NAALADL2: variants seen among roughly 807,000 people sequenced by gnomAD.
NAALADL2 encodes N-acetylated alpha-linked acidic dipeptidase like 2, also known as inactive N-acetylated-alpha-linked acidic dipeptidase-like protein 2.
A neutral mutation model predicts 87.2 loss-of-function variants in NAALADL2; 76 were observed. The ratio of observed to expected loss-of-function variants is 0.87; its 90% CI spans 0.72 to 1.05. The LOEUF (loss-of-function observed/expected upper bound fraction) is 1.05. Among genes scored for constraint, NAALADL2 ranks in the 50% least tolerant of loss-of-function variants. The probability of loss-of-function intolerance (pLI) is 0.00; values close to 1 mark genes in which losing one functional copy is unlikely to be tolerated. For missense variants in NAALADL2, 1,089 were observed against 945.8 expected (o/e 1.15, Z -1.99); for synonymous variants, 354 against 331.0 (o/e 1.07, Z -0.75).
intron 1 of NAALADL2, chr3:175,059,499 G>C (rs888612919): frequency 4.5e-6 from 1 of 221,962 alleles, no homozygotes; most frequent in Non-Finnish European, 9.4e-6. Flanking sequence ...TATTCCATCA[G>C]AACTAGTTTA....
At chr3:174,666,095 T>G (rs1345650412) in intron 2 of NAALADL2, among the ~76,000 whole-genome samples, 3 of 152,174 alleles carry the variant, frequency 2.0e-5, no homozygotes, top group East Asian at 1.9e-4. Flanking sequence ...TATCATTTTT[T>G]GGGGTATAGT....
chr3:175,764,985 G>A (rs1029073269), intron 13 of NAALADL2, among the ~76,000 whole-genome samples: 2 of 151,994 alleles, frequency 1.3e-5, no homozygotes, highest in African/African-American at 4.8e-5. Context: ...TGAGGTGTGG[G>A]TGGTCTGAAT....
chr3:175,317,314 A>G (rs536008566), intron 4 of NAALADL2, among the ~76,000 whole-genome samples: 2 of 151,112 alleles, frequency 1.3e-5, no homozygotes, highest in African/African-American at 2.4e-5. Context: ...GTTCTTGAGG[A>G]TATTTTGACT....
intron 2 of NAALADL2, among the ~76,000 whole-genome samples, chr3:174,620,314 G>A (rs2108663464): frequency 6.6e-6 from 1 of 152,112 alleles, no homozygotes; most frequent in African/African-American, 2.4e-5. Context: ...TGGGCACTGA[G>A]TCACCCGATG....
intron 1 of NAALADL2, among the ~76,000 whole-genome samples, chr3:174,509,103 C>CT (rs113472134): frequency 0.16 from 24,109 of 147,230 alleles, 1,993 homozygotes; most frequent in Middle Eastern, 0.22. Flanking sequence ...AACTGTATGC[C>CT]TTTTTTTTTT....
intron 9 of NAALADL2, among the ~76,000 whole-genome samples, chr3:175,480,293 T>A (rs1726266113): frequency 1.1e-5 from 1 of 91,046 alleles, no homozygotes; most frequent in South Asian, 4.7e-4. Flanking sequence ...CTAGTGTTAA[T>A]GTTTACAACT....
chr3:175,255,697 T>A (rs565117603), intron 3 of NAALADL2, among the ~76,000 whole-genome samples: 12 of 152,268 alleles, frequency 7.9e-5, no homozygotes, highest in African/African-American at 2.9e-4. Context: ...TTTATTGAAA[T>A]CTCCAGAAAG....
intron 4 of NAALADL2, among the ~76,000 whole-genome samples, chr3:175,295,592 G>C (rs979547476): frequency 4.0e-5 from 6 of 151,872 alleles, no homozygotes; most frequent in African/African-American, 1.5e-4. Flanking sequence ...CACAAGTCCA[G>C]CTTTCCCTGG....
chr3:174,830,757 C>T (rs1488166589), intron 3 of NAALADL2, among the ~76,000 whole-genome samples: 7 of 152,074 alleles, frequency 4.6e-5, no homozygotes, highest in South Asian at 2.1e-4. Context: ...TGTTCTTCCA[C>T]TTGTTTGTAT....
At chr3:174,448,990 A>C (rs1006288996) in intron 1 of NAALADL2, among the ~76,000 whole-genome samples, 1 of 152,244 alleles carries the variant, frequency 6.6e-6, no homozygotes, top group Non-Finnish European at 1.5e-5. Flanking sequence ...CAAAGAAACC[A>C]TAAACATCAG....
At chr3:175,789,315 G>A (rs1752497818) in intron 13 of NAALADL2, among the ~76,000 whole-genome samples, 1 of 152,012 alleles carries the variant, frequency 6.6e-6, no homozygotes, top group African/African-American at 2.4e-5. Context: ...GAGAGTTTCT[G>A]CGACTTTATT....
chr3:174,627,958 G>C (rs1490777733), intron 2 of NAALADL2, among the ~76,000 whole-genome samples: 1 of 152,166 alleles, frequency 6.6e-6, no homozygotes, highest in African/African-American at 2.4e-5. Context: ...TGAGACGGGA[G>C]TGAGGGATGT....
intron 2 of NAALADL2, among the ~76,000 whole-genome samples, chr3:175,197,564 A>T (rs1739210359): frequency 6.6e-6 from 1 of 152,058 alleles, no homozygotes; most frequent in African/African-American, 2.4e-5. Flanking sequence ...TATATGGTTG[A>T]GAACTTCGAG....
intron 1 of NAALADL2, among the ~76,000 whole-genome samples, chr3:175,054,760 A>T (rs1161597105): frequency 6.6e-6 from 1 of 151,988 alleles, no homozygotes; most frequent in Non-Finnish European, 1.5e-5. Flanking sequence ...AACCTTGCAA[A>T]TTTTTTCCTA....
At chr3:174,614,764 C>G (rs564654589) in intron 2 of NAALADL2, among the ~76,000 whole-genome samples, 1 of 152,038 alleles carries the variant, frequency 6.6e-6, no homozygotes. Flanking sequence ...ATAGGTGAAG[C>G]CTTCCATTTT....
rs1712008690 is a variant in NAALADL2, at chr3:175,055,754, T to C, written c.44-41036T>C. On this transcript the variant is annotated intron_variant, in intron 1 of 13. Transcript: ENST00000454872. ...GCCTGACTCGCTGAGTTTTTCTACA[T>C]TCTTTTTTAGTACGACCATGCTTCC... Among the ~76,000 whole-genome samples, 5 of 152,204 alleles carry C rather than the reference T, an allele frequency of 3.3e-5. No individual in the cohort carries two copies. The South Asian group carries it at 1.0e-3, about 32-fold the overall frequency.
intron 2 of NAALADL2, among the ~76,000 whole-genome samples, chr3:174,578,113 T>C (rs1715745595): frequency 6.6e-6 from 1 of 151,998 alleles, no homozygotes; most frequent in Non-Finnish European, 1.5e-5. Flanking sequence ...TTTAAAAAGT[T>C]AACGTATTAT....
At chr3:174,953,393 C>G (rs146872252) in intron 1 of NAALADL2, among the ~76,000 whole-genome samples, 1 of 139,908 alleles carries the variant, frequency 7.1e-6, no homozygotes, top group Admixed American at 7.7e-5. Context: ...ATACCTACTA[C>G]GTGTCAGGCA....
At chr3:175,554,860 C>T (rs998916485) in intron 9 of NAALADL2, among the ~76,000 whole-genome samples, 1 of 152,056 alleles carries the variant, frequency 6.6e-6, no homozygotes, top group Non-Finnish European at 1.5e-5. Flanking sequence ...TATATTTTAC[C>T]TGTTATCAAT....
Sources: gnomAD v4.1 joint callset for allele counts (sites outside exome capture counted in the v4.1 genomes callset) on GRCh38, gnomAD v4.1.1 for gene constraint, MANE v1.5 for transcripts, NCBI Gene and HGNC (gene_info 2026-07-23, HGNC 2026-07-21) for gene names.